TEX2: variants seen among roughly 807,000 people sequenced by gnomAD.
TEX2 encodes testis expressed 2.
In TEX2, 53 loss-of-function variants were observed where a neutral mutation model predicts 106.9. The ratio of observed to expected loss-of-function variants is 0.50; its 90% CI spans 0.40 to 0.62. TEX2 has a LOEUF of 0.62. Among genes scored for constraint, TEX2 ranks in the 20% least tolerant of loss-of-function variants. The probability of loss-of-function intolerance (pLI) is 0.00; values close to 1 mark genes in which losing one functional copy is unlikely to be tolerated. For synonymous variants in TEX2, 523 were observed against 534.8 expected, an observed-to-expected ratio of 0.98 and a Z score of 0.30; for missense variants, 1,207 against 1,379.0, an observed-to-expected ratio of 0.88 and a Z score of 1.98.
At chr17:64,239,423 C>G (rs1408233278) in intron 1 of TEX2, among the ~76,000 whole-genome samples, 1 of 152,072 alleles carries the variant, frequency 6.6e-6, no homozygotes, top group East Asian at 1.9e-4. Flanking sequence ...TATAACTGTT[C>G]GCAGAATTTA....
chr17:64,229,371 G>A (rs2033600111), intron 1 of TEX2, among the ~76,000 whole-genome samples: 1 of 152,110 alleles, frequency 6.6e-6, no homozygotes, highest in African/African-American at 2.4e-5. Context: ...TCTGTTAACT[G>A]GTCGTTCATA....
rs557397408 is a variant in TEX2 at position 64,252,980 on chromosome 17, C to T, written c.-26+10188G>A. On this transcript the variant is annotated intron_variant, in intron 1 of 11. Transcript: ENST00000584379. ...GGGAAGAGAAAGGTGGCCAGTGTGCCTGGAATACAATAAACCAGGAGAGAC... is the reference window on the plus strand; with the variant it reads ...GGGAAGAGAAAGGTGGCCAGTGTGCTTGGAATACAATAAACCAGGAGAGAC... 3.9e-5 allele frequency among the ~76,000 whole-genome samples: 6 copies of T among 151,978 alleles called. No individual in the cohort carries two copies. The South Asian group carries it at 6.2e-4, about 16-fold the overall frequency.
chr17:64,178,172 C>G (rs2031690889), intron 5 of TEX2, among the ~76,000 whole-genome samples: 2 of 152,214 alleles, frequency 1.3e-5, no homozygotes, highest in Admixed American at 6.5e-5. Context: ...CCATTTGATA[C>G]AATCCATCTG....
chr17:64,251,019 T>C (rs1455056713), intron 1 of TEX2, among the ~76,000 whole-genome samples: 9 of 152,184 alleles, frequency 5.9e-5, no homozygotes. Flanking sequence ...AAGGAAATGC[T>C]TTCCACCAGG....
Position 64,214,234 on chromosome 17 carries a change from G to C in TEX2, c.-17C>G, listed in dbSNP as rs1555632316. The C allele has an allele frequency of 6.3e-7, 1 of 1,599,662 alleles. No homozygotes were observed. Among genetic ancestry groups the C allele is most frequent in the Non-Finnish European group, 8.5e-7 (1 of 1,170,366 alleles). On this transcript the variant is annotated 5_prime_UTR_variant, in exon 2 of 12. Coordinates refer to ENST00000584379, the MANE Select transcript of TEX2 (RefSeq NM_001288732.2). ...ACTTGTCATTGCCGGCTTCACAAGG[G>C]CTCAGGCTCTGTGAAAACAGTGAGA...
In TEX2 at chr17:64,244,297, C is replaced by A. The variant is rs931794716; in HGVS notation, c.-26+18871G>T. On this transcript the variant is annotated intron_variant, in intron 1 of 11. Transcript: ENST00000584379. ...AATCCTGATGTGGGTGTGGGCCTCT[C>A]GTATCTTTGGAATGCCTAACCCGCT... Among the ~76,000 whole-genome samples the A allele has an allele frequency of 6.6e-5, 10 of 151,862 alleles. No homozygotes were observed. In the East Asian group the frequency reaches 9.6e-4, roughly 15 times the overall value.
At position 64,258,778 on chromosome 17, in the gene TEX2, T is replaced by A. The variant is rs201682666; in HGVS notation, c.-26+4390A>T. 1.1e-4 allele frequency among the ~76,000 whole-genome samples: 13 copies of A among 121,550 alleles called. No individual in the cohort carries two copies. In the East Asian group the frequency reaches 3.0e-3, roughly 29 times the overall value. The allele number at this position is 121,550 out of a possible 152,430, so 79.7% of individuals were successfully genotyped here. ...GGAAGAGAGACTTTTTTTTTTTTTT[T>A]AAACAGAGTCTCACTCTGTCACCCA... On this transcript the variant is annotated intron_variant, in intron 1 of 11. Coordinates refer to ENST00000584379, the MANE Select transcript of TEX2 (RefSeq NM_001288732.2).
intron 6 of TEX2, among the ~76,000 whole-genome samples, chr17:64,176,646 T>C (rs1056475902): frequency 6.6e-6 from 1 of 152,218 alleles, no homozygotes; most frequent in Non-Finnish European, 1.5e-5. Flanking sequence ...CAGCCATACT[T>C]ACACAGTTCA....
At chr17:64,169,050 T>G (rs1379446384) in intron 7 of TEX2, among the ~76,000 whole-genome samples, 6 of 152,088 alleles carry the variant, frequency 3.9e-5, no homozygotes, top group Non-Finnish European at 8.8e-5. Context: ...CTTTCTTTCT[T>G]TTTTTTAAGA....
Position 64,153,216 on chromosome 17 carries a change from C to G in TEX2, c.2931-62G>C. On this transcript the variant is annotated intron_variant, in intron 9 of 11. Coordinates refer to ENST00000584379, the MANE Select transcript of TEX2 (RefSeq NM_001288732.2). The surrounding 1 kb of genome is among the most constrained non-coding windows in gnomAD (Gnocchi z 4.1). ...CTTTGCTCTTTTCACAGACAAAAAC[C>G]TGTGGCTCTTCGTTCCCCTTACTTT... 2 of 1,201,304 alleles carry G rather than the reference C, an allele frequency of 1.7e-6. No individual in the cohort carries two copies. Among genetic ancestry groups the G allele is most frequent in the Non-Finnish European group, 2.4e-6 (2 of 828,700 alleles). The allele number at this position is 1,201,304 out of a possible 1,614,324, so 74.4% of individuals were successfully genotyped here.
intron 1 of TEX2, among the ~76,000 whole-genome samples, chr17:64,233,183 C>A (rs1555634772): frequency 6.6e-6 from 1 of 152,140 alleles, no homozygotes; most frequent in Admixed American, 6.5e-5. Context: ...TACCCCACCC[C>A]CAAACACACA....
intron 1 of TEX2, among the ~76,000 whole-genome samples, chr17:64,215,957 A>G (rs2033174572): frequency 6.6e-6 from 1 of 152,244 alleles, no homozygotes; most frequent in African/African-American, 2.4e-5. Flanking sequence ...TCCAAGGATG[A>G]CAAGAATTAC....
At chr17:64,259,029 T>A (rs1555638170) in intron 1 of TEX2, among the ~76,000 whole-genome samples, 2 of 152,220 alleles carry the variant, frequency 1.3e-5, no homozygotes, top group Admixed American at 1.3e-4. Context: ...ATTACAGGCA[T>A]GAGCCACCGC....
chr17:64,214,172 G>A lies in TEX2; in HGVS notation c.46C>T (p.Pro16Ser), dbSNP rs371346792. The change falls in exon 2 of 12, where the codon CCA becomes TCA. Residue 16 changes from proline to serine, a missense_variant. Pro to Ser is a moderately conservative substitution (Grantham distance 74). Around this residue, in one of 3 missense-constraint regions of TEX2, gnomAD observed 1,067 missense variants for 1,193.6 expected, o/e 0.89. Coordinates refer to ENST00000584379, the MANE Select transcript of TEX2 (RefSeq NM_001288732.2). ...GRHAEKTTDM[P>S]KPSAPKVHVQ... is the part of the protein sequence containing the mutation. Reference sequence around the variant, plus strand: ...TGCACTTTAGGGGCTGATGGTTTTGGCATGTCAGTGGTTTTCTCGGCATGG... The same window carrying A: ...TGCACTTTAGGGGCTGATGGTTTTGACATGTCAGTGGTTTTCTCGGCATGG... 1.9e-4 allele frequency: 313 copies of A among 1,614,024 alleles called. 1 individual carries two copies. Among genetic ancestry groups the A allele is most frequent in the Non-Finnish European group, 2.5e-4 (298 of 1,180,012 alleles).
At chr17:64,240,237 G>A (rs1201475020) in intron 1 of TEX2, among the ~76,000 whole-genome samples, 1 of 127,518 alleles carries the variant, frequency 7.8e-6, no homozygotes, top group Non-Finnish European at 1.9e-5. Flanking sequence ...ATGCAGATGT[G>A]TGTGTGTGTG....
intron 1 of TEX2, among the ~76,000 whole-genome samples, chr17:64,215,276 G>C (rs1555632514): frequency 6.6e-6 from 1 of 152,222 alleles, no homozygotes; most frequent in Admixed American, 6.5e-5. Flanking sequence ...CATGTAAAAA[G>C]AGCCAAGACA....
chr17:64,158,452 G>C (rs894795652), intron 8 of TEX2, among the ~76,000 whole-genome samples: 1 of 152,232 alleles, frequency 6.6e-6, no homozygotes, highest in Non-Finnish European at 1.5e-5. Context: ...CTGCAGGAAA[G>C]GGCTGCTGCT....
intron 1 of TEX2, among the ~76,000 whole-genome samples, chr17:64,216,844 G>C (rs1021159124): frequency 3.9e-5 from 6 of 152,158 alleles, no homozygotes; most frequent in African/African-American, 1.4e-4. Flanking sequence ...GGCGGACAGA[G>C]CTGAAGGTGG....
At chr17:64,238,532 C>T (rs2033818988) in intron 1 of TEX2, among the ~76,000 whole-genome samples, 2 of 152,376 alleles carry the variant, frequency 1.3e-5, no homozygotes, top group Non-Finnish European at 2.9e-5. Context: ...AATTGACTCA[C>T]AGTTTCACAT....
Sources: allele counts gnomAD v4.1 joint callset (sites outside exome capture counted in the v4.1 genomes callset), GRCh38; gene constraint gnomAD v4.1.1; regional missense constraint gnomAD v4.1.1; non-coding constraint Gnocchi (gnomAD v3.1); transcripts MANE v1.5; gene names NCBI Gene and HGNC (gene_info 2026-07-23, HGNC 2026-07-21).